ERCC6: variants seen among roughly 807,000 people sequenced by gnomAD.
ERCC6 encodes ERCC excision repair 6, chromatin remodeling factor.
Under a neutral mutation model 158.7 loss-of-function variants are expected in ERCC6, and 116 were observed. The observed-to-expected ratio is 0.73, with a 90% confidence interval of 0.63 to 0.85. The LOEUF is 0.85. Among genes scored for constraint, ERCC6 ranks in the 40% least tolerant of loss-of-function variants. The pLI is 0.00. For missense variants in ERCC6, 1,698 were observed against 1,799.4 expected, an observed-to-expected ratio of 0.94 and a Z score of 1.02; for synonymous variants, 678 against 659.3, an observed-to-expected ratio of 1.03 and a Z score of -0.43.
intron 8 of ERCC6, among the ~76,000 whole-genome samples, chr10:49,483,953 G>T (rs1386247425): frequency 6.6e-6 from 1 of 151,886 alleles, no homozygotes; most frequent in Non-Finnish European, 1.5e-5. Flanking sequence ...CCAGGACAGA[G>T]TGAAAAGGAT....
At chr10:49,520,823 G>C (rs1233999935) in intron 5 of ERCC6, among the ~76,000 whole-genome samples, 1 of 152,102 alleles carries the variant, frequency 6.6e-6, no homozygotes, top group Non-Finnish European at 1.5e-5. Flanking sequence ...CAACCTCCAA[G>C]GCAATCCAAA....
intron 12 of ERCC6, among the ~76,000 whole-genome samples, chr10:49,474,764 T>C (rs2132542641): frequency 1.3e-5 from 2 of 152,114 alleles, no homozygotes; most frequent in Middle Eastern, 3.4e-3. Context: ...AAAAACTGCA[T>C]GAAAAATGCA....
intron 1 of ERCC6, among the ~76,000 whole-genome samples, chr10:49,537,888 A>G (rs1837640221): frequency 1.3e-5 from 2 of 152,124 alleles, no homozygotes; most frequent in African/African-American, 4.8e-5. Flanking sequence ...ATGCCCGGCT[A>G]ATTTTTCGTA....
chr10:49,484,278 CA>C (rs60365716), intron 8 of ERCC6, among the ~76,000 whole-genome samples: 12,241 of 95,744 alleles, frequency 0.13, 609 homozygotes, highest in East Asian at 0.39. Flanking sequence ...GACTCTGCCT[CA>C]AAAAAAAAAA....
At chr10:49,530,490 G>A (rs562397144) in intron 3 of ERCC6, among the ~76,000 whole-genome samples, 24 of 152,254 alleles carry the variant, frequency 1.6e-4, no homozygotes, top group African/African-American at 5.1e-4. Flanking sequence ...AACTGTATAC[G>A]TATGGATGTG....
intron 5 of ERCC6, among the ~76,000 whole-genome samples, chr10:49,508,108 T>C (rs1851475298): frequency 6.6e-6 from 1 of 152,190 alleles, no homozygotes; most frequent in African/African-American, 2.4e-5. Context: ...AGGATACTTG[T>C]ATTTAGCAAA....
In ERCC6 at chr10:49,465,236, C is replaced by T. The variant is rs567882036; in HGVS notation, c.3779-3680G>A. On this transcript the variant is annotated intron_variant, in intron 18 of 20. Coordinates refer to ENST00000355832, the MANE Select transcript of ERCC6 (RefSeq NM_000124.4). ...ATTTTGGAGCTTTAAGATTTGACTG[C>T]CCTGCTGGACTTCAGACTTGTGTGG... 2.4e-4 allele frequency among the ~76,000 whole-genome samples: 36 copies of T among 152,326 alleles called. 1 individual carries two copies. Among genetic ancestry groups the T allele is most frequent in the Admixed American group, 1.6e-3 (24 of 15,300 alleles).
rs1331321733 is a variant in ERCC6, at chr10:49,482,739, T to C, written c.2117A>G (p.Gln706Arg). The C allele has an allele frequency of 1.9e-6, 3 of 1,614,008 alleles. No individual in the cohort carries two copies. The highest frequency in any genetic ancestry group is 2.5e-6 in the Non-Finnish European group (3 of 1,179,994). ...KLGTLPVFME[Q>R]FSVPITMGGY... ...CCCCATGGTGATGGGGACGGAGAACTGCTCCATAAACACAGGCAACGTGCC... is the reference window on the plus strand; with the variant it reads ...CCCCATGGTGATGGGGACGGAGAACCGCTCCATAAACACAGGCAACGTGCC... Residue 706 changes from glutamine (Q) to arginine (R), a missense_variant, in exon 10 of 21, where the codon CAG (glutamine) becomes CGG (arginine). Transcript: ENST00000355832.
chr10:49,528,198 C>T (rs186596825), intron 4 of ERCC6, among the ~76,000 whole-genome samples: 2 of 152,272 alleles, frequency 1.3e-5, no homozygotes, highest in African/African-American at 4.8e-5. Flanking sequence ...TACCAGCAGC[C>T]TCCTATGAAC....
rs764196826 is a variant in ERCC6 at position 49,461,597 on chromosome 10, A to G, written c.3779-41T>C. On this transcript the variant is annotated intron_variant, in intron 18 of 20. Transcript: ENST00000355832. The stretch of plus-strand genomic sequence containing the variant: ...ATAGCAAAGTGATATTTCACTCTGT[A>G]TGCAAGAAAGACACTTTTCTCCTCT... The G allele has an allele frequency of 9.5e-6, 15 of 1,571,160 alleles. No individual in the cohort carries two copies. In the South Asian group the frequency reaches 1.2e-4, roughly 12 times the overall value.
chr10:49,476,808 T>C (rs1204028804), intron 11 of ERCC6, among the ~76,000 whole-genome samples: 1 of 152,154 alleles, frequency 6.6e-6, no homozygotes, highest in Non-Finnish European at 1.5e-5. Context: ...GATCGTGCTC[T>C]GTGACCCTTC....
the ERCC6 span, among the ~76,000 whole-genome samples, chr10:49,446,227 TCACACA>T: frequency 4.8e-3 from 441 of 92,070 alleles, 2 homozygotes; most frequent in African/African-American, 0.02. Context: ...CACAAAAACG[TCACACA>T]CACACACACA....
intron 1 of ERCC6, among the ~76,000 whole-genome samples, chr10:49,534,155 C>CAAAAAA (rs1282502477): frequency 1.0e-5 from 1 of 100,444 alleles, no homozygotes; most frequent in Non-Finnish European, 2.1e-5. Context: ...AAAAAAAAAA[C>CAAAAAA]AAAAAAAAAA....
chr10:49,525,214 G>A, intron 4 of ERCC6: 1 of 199,980 alleles, frequency 5.0e-6, no homozygotes, highest in Non-Finnish European at 1.0e-5. Context: ...CAAAAACAGG[G>A]ATCACCATGT....
chr10:49,455,936 T>G lies in ERCC6; in HGVS notation c.*2879A>C, dbSNP rs1850477005. On this transcript the variant is annotated 3_prime_UTR_variant, in exon 21 of 21. Transcript: ENST00000355832. ...GGTCCTTTTATGGAGGGTGAATTGA[T>G]GCAAGCAATTCTGCTACATCCACTG... 1 of 152,220 alleles carries G rather than the reference T, an allele frequency of 6.6e-6. No individual in the cohort carries two copies. Among genetic ancestry groups the G allele is most frequent in the African/African-American group, 2.4e-5 (1 of 41,454 alleles). The allele number at this position is 152,220 out of a possible 1,614,324, so 9.4% of individuals were successfully genotyped here.
chr10:49,453,244 C>T (rs1850440821), downstream of ERCC6, among the ~76,000 whole-genome samples: 1 of 151,992 alleles, frequency 6.6e-6, no homozygotes, highest in South Asian at 2.1e-4. Flanking sequence ...TACATCTTAT[C>T]AGAATCTGTT....
At chr10:49,499,212 A>C (rs748628170) in intron 7 of ERCC6, among the ~76,000 whole-genome samples, 2 of 152,192 alleles carry the variant, frequency 1.3e-5, no homozygotes, top group Admixed American at 6.5e-5. Context: ...AACAACAACA[A>C]CACGATGTTT....
intron 16 of ERCC6, among the ~76,000 whole-genome samples, chr10:49,471,654 CA>C (rs1850783499): frequency 6.6e-6 from 1 of 152,208 alleles, no homozygotes; most frequent in Non-Finnish European, 1.5e-5. Flanking sequence ...TTTATTCTCC[CA>C]GCTAAAGCAT....
intron 7 of ERCC6, among the ~76,000 whole-genome samples, chr10:49,497,586 G>A (rs555670723): frequency 2.0e-5 from 3 of 152,166 alleles, no homozygotes; most frequent in Admixed American, 6.5e-5. Flanking sequence ...AGATTTTCAC[G>A]CTGAGTTGAG....
Sources: allele counts gnomAD v4.1 joint callset (sites outside exome capture counted in the v4.1 genomes callset), GRCh38; gene constraint gnomAD v4.1.1; transcripts MANE v1.5; gene names NCBI Gene and HGNC (gene_info 2026-07-23, HGNC 2026-07-21).